Variants in PRIM2 observed in about 807,000 individuals in gnomAD.
PRIM2 encodes the protein DNA primase subunit 2.
PRIM2 carries 39 observed loss-of-function variants against 67.3 expected under a neutral mutation model. That is an observed-to-expected ratio of 0.58 (90% CI 0.45 to 0.76). The LOEUF (loss-of-function observed/expected upper bound fraction) is 0.76, where lower values mean the gene tolerates loss of function less well. Ranked by LOEUF, PRIM2 falls within the 30% of genes least tolerant of loss-of-function variation. PRIM2 has a pLI of 0.00. For missense variants in PRIM2, 398 were observed against 598.7 expected (o/e 0.66, Z 3.50); for synonymous variants, 143 against 198.7 (o/e 0.72, Z 2.36).
intron 7 of PRIM2, among the ~76,000 whole-genome samples, chr6:57,457,723 C>T (rs1218171233): frequency 7.2e-5 from 11 of 152,310 alleles, no homozygotes; most frequent in Admixed American, 7.2e-4. Context: ...TTCCCTGACC[C>T]CTTGCGCTTC....
chr6:57,325,144 C>T (rs1045862531), intron 4 of PRIM2, among the ~76,000 whole-genome samples: 1 of 152,056 alleles, frequency 6.6e-6, no homozygotes, highest in African/African-American at 2.4e-5. Flanking sequence ...GTGAAATTAT[C>T]AATTATAAAG....
At chr6:57,391,947 A>G (rs1770362861) in intron 7 of PRIM2, among the ~76,000 whole-genome samples, 1 of 152,118 alleles carries the variant, frequency 6.6e-6, no homozygotes, top group Non-Finnish European at 1.5e-5. Flanking sequence ...GGACTGAATT[A>G]TATAAATTGC....
chr6:57,465,781 C>T (rs1362951559), intron 7 of PRIM2, among the ~76,000 whole-genome samples: 3 of 151,970 alleles, frequency 2.0e-5, no homozygotes, highest in Non-Finnish European at 4.4e-5. Context: ...TTGTAATGTA[C>T]ATTAGTGCTT....
chr6:57,282,878 C>T, the PRIM2 span, among the ~76,000 whole-genome samples: 5 of 152,148 alleles, frequency 3.3e-5, no homozygotes, highest in South Asian at 2.1e-4. Flanking sequence ...TCCTACTAAA[C>T]GAATGTACTT....
At chr6:57,293,596 TC>T in the PRIM2 span, among the ~76,000 whole-genome samples, 3 of 152,162 alleles carry the variant, frequency 2.0e-5, no homozygotes, top group African/African-American at 7.2e-5. Flanking sequence ...CACATGTCCA[TC>T]AATGATAGAC....
chr6:57,639,356 G>T (rs1318787689), intron 13 of PRIM2, among the ~76,000 whole-genome samples: 2 of 151,832 alleles, frequency 1.3e-5, no homozygotes, highest in East Asian at 3.9e-4. Flanking sequence ...AGAAGCAAGA[G>T]CACACAAATT....
intron 10 of PRIM2, among the ~76,000 whole-genome samples, chr6:57,561,546 T>G (rs1775630512): frequency 6.6e-6 from 1 of 152,186 alleles, no homozygotes; most frequent in Non-Finnish European, 1.5e-5. Context: ...TCGCTCAAAC[T>G]TTTCTTCTAT....
chr6:57,439,568 A>G (rs981384728), intron 7 of PRIM2, among the ~76,000 whole-genome samples: 18 of 151,522 alleles, frequency 1.2e-4, no homozygotes, highest in Non-Finnish European at 2.1e-4. Flanking sequence ...GGCACCCGCC[A>G]CCACGCCCAG....
At chr6:57,593,334 CTT>C (rs1372542337) in intron 10 of PRIM2, among the ~76,000 whole-genome samples, 7 of 151,424 alleles carry the variant, frequency 4.6e-5, no homozygotes, top group Non-Finnish European at 7.4e-5. Flanking sequence ...GGGAGTTTCG[CTT>C]TTGTCACCCA....
At chr6:57,526,712 A>G (rs1425399724) in intron 8 of PRIM2, among the ~76,000 whole-genome samples, 2 of 152,170 alleles carry the variant, frequency 1.3e-5, no homozygotes, top group East Asian at 1.9e-4. Context: ...GTGACAGTGA[A>G]TGTCTCTCAA....
At chr6:57,248,308 C>T in the PRIM2 span, among the ~76,000 whole-genome samples, 1 of 152,116 alleles carries the variant, frequency 6.6e-6, no homozygotes, top group Non-Finnish European at 1.5e-5. Flanking sequence ...TAAATCACAC[C>T]TATTAACTTA....
the PRIM2 span, among the ~76,000 whole-genome samples, chr6:57,277,997 A>C: frequency 1.3e-5 from 2 of 150,014 alleles, no homozygotes; most frequent in Non-Finnish European, 3.0e-5. Flanking sequence ...AAAACAAACA[A>C]ACAAACAACA....
At chr6:57,407,473 T>G (rs79032204) in intron 7 of PRIM2, among the ~76,000 whole-genome samples, 10,257 of 152,050 alleles carry the variant, frequency 0.067, 595 homozygotes, top group African/African-American at 0.15. Flanking sequence ...GGTTTTTTTT[T>G]TGTGTGTGTG....
At chr6:57,370,341 A>G (rs370946417) in intron 5 of PRIM2, among the ~76,000 whole-genome samples, 2 of 152,230 alleles carry the variant, frequency 1.3e-5, no homozygotes, top group African/African-American at 4.8e-5. Context: ...GCAAGAGTAA[A>G]GAGAATATTC....
At chr6:57,270,045 A>T in the PRIM2 span, among the ~76,000 whole-genome samples, 62 of 152,178 alleles carry the variant, frequency 4.1e-4, no homozygotes, top group Non-Finnish European at 7.4e-4. Context: ...CTTGTAGTAT[A>T]GTTTGAAGTC....
At chr6:57,346,699 G>T (rs1372117538) in intron 5 of PRIM2, among the ~76,000 whole-genome samples, 1 of 151,944 alleles carries the variant, frequency 6.6e-6, no homozygotes, top group Non-Finnish European at 1.5e-5. Context: ...AATTCTTTTT[G>T]GCTGAAGTCT....
the PRIM2 span, among the ~76,000 whole-genome samples, chr6:57,253,677 TA>T: frequency 6.6e-6 from 1 of 152,186 alleles, no homozygotes; most frequent in African/African-American, 2.4e-5. Context: ...AATATTGATA[TA>T]ATTATTAATG....
chr6:57,522,233 T>C (rs1774639544), intron 8 of PRIM2, among the ~76,000 whole-genome samples: 1 of 152,200 alleles, frequency 6.6e-6, no homozygotes, highest in Non-Finnish European at 1.5e-5. Context: ...GTTGGCCTAA[T>C]TACAGCCTGT....
chr6:57,516,160 G>A (rs1375593989), intron 8 of PRIM2, among the ~76,000 whole-genome samples: 2 of 151,760 alleles, frequency 1.3e-5, no homozygotes, highest in Non-Finnish European at 2.9e-5. Context: ...AAAGGCCCGT[G>A]CGATTAGATC....
Sources: allele counts gnomAD v4.1 joint callset (sites outside exome capture counted in the v4.1 genomes callset), GRCh38; gene constraint gnomAD v4.1.1; transcripts MANE v1.5; gene names NCBI Gene and HGNC (gene_info 2026-07-23, HGNC 2026-07-21).